DSEL: variants seen among roughly 807,000 people sequenced by gnomAD.
DSEL encodes dermatan sulfate epimerase like.
A neutral mutation model predicts 96.6 loss-of-function variants in DSEL; 61 were observed. The observed-to-expected ratio is 0.63, with a 90% confidence interval of 0.51 to 0.78. The LOEUF (loss-of-function observed/expected upper bound fraction) is 0.78. DSEL is among the 30% of genes least tolerant of loss of function. The probability of loss-of-function intolerance (pLI) is 0.00; values close to 1 mark genes in which losing one functional copy is unlikely to be tolerated. For synonymous variants in DSEL, 514 were observed against 502.0 expected, an observed-to-expected ratio of 1.02 and a Z score of -0.32; for missense variants, 1,320 against 1,430.8, an observed-to-expected ratio of 0.92 and a Z score of 1.25.
rs199657914 is a variant in DSEL, at chr18:67,512,269, C to G, written c.2340G>C (p.Leu780Phe). ...FKFNIAVGLI[L>F]CISLVILTFQ... ...AAGTTAAAATCACCAAGCTAATGCA[C>G]AAAATTAATCCAACTGCTATATTAA... The change falls in exon 2 of 2, where the codon TTG (leucine) becomes TTC (phenylalanine). Residue 780 changes from leucine to phenylalanine, a missense_variant. Around this residue, in one of 3 missense-constraint regions of DSEL, gnomAD observed 986 missense variants for 1,066.4 expected, o/e 0.92. Coordinates refer to ENST00000310045, the MANE Select transcript of DSEL (RefSeq NM_032160.3). 1 of 1,614,014 alleles carries G rather than the reference C, an allele frequency of 6.2e-7. No individual in the cohort carries two copies. Among genetic ancestry groups the G allele is most frequent in the East Asian group, 2.2e-5 (1 of 44,890 alleles).
At chr18:67,515,576 C>A in intron 1 of DSEL, 84 bp from the exon 2 acceptor site, 1 of 157,948 alleles carries the variant, frequency 6.3e-6, no homozygotes. Context: ...AAACATTCTG[C>A]AATCACTTAA....
chr18:67,513,285 C>T lies in DSEL; in HGVS notation c.1324G>A (p.Gly442Arg). 6.2e-7 allele frequency: 1 copy of T among 1,614,188 alleles called. No homozygotes were observed. The highest frequency in any genetic ancestry group is 8.5e-7 in the Non-Finnish European group (1 of 1,180,042). Reference sequence around the variant, plus strand: ...TGAACTATGTCATACACAGCTCGTCCCCCCAGCTTCCCAGATTTAAAAGAC... The same window carrying T: ...TGAACTATGTCATACACAGCTCGTCTCCCCAGCTTCCCAGATTTAAAAGAC... ...FVSFKSGKLG[G>R]RAVYDIVHFQ... Residue 442 changes from glycine (G) to arginine (R), a missense_variant, in exon 2 of 2, where the codon GGA becomes AGA. Gly to Arg is a moderately radical substitution (Grantham distance 125). Transcript: ENST00000310045.
chr18:67,514,472 T>C lies in DSEL; in HGVS notation c.137A>G (p.Lys46Arg). 1 of 1,614,156 alleles carries C rather than the reference T, an allele frequency of 6.2e-7. No individual in the cohort carries two copies. The highest frequency in any genetic ancestry group is 8.5e-7 in the Non-Finnish European group (1 of 1,180,028). ...TTGGTTGGGTCTGAAATCTTGCACT[T>C]TCTGTGTTTTAAACTGATCTATATC... Reference protein sequence around the residue: ...TDDIDQFKTQKVQDFRPNQKL... With the variant: ...TDDIDQFKTQRVQDFRPNQKL... The change falls in exon 2 of 2, where the codon AAA becomes AGA. Residue 46 changes from lysine to arginine, a missense_variant. Lys to Arg is a conservative substitution (Grantham distance 26). Around this residue, in one of 3 missense-constraint regions of DSEL, gnomAD observed 323 missense variants for 333.1 expected, o/e 0.97. Transcript: ENST00000310045.
In DSEL at chr18:67,514,401, C is replaced by T. The variant is rs769593953; in HGVS notation, c.208G>A (p.Gly70Arg). 17 of 1,614,040 alleles carry T rather than the reference C, an allele frequency of 1.1e-5. No homozygotes were observed. The highest frequency in any genetic ancestry group is 6.7e-5 in the Admixed American group (4 of 59,996). ...MLHPSLYFDA[G>R]EIQAMRQKSR... ...TTTTGTCTCATTGCTTGGATTTCTCCAGCATCAAAATATAAACTTGGATGA... is the reference window on the plus strand; with the variant it reads ...TTTTGTCTCATTGCTTGGATTTCTCTAGCATCAAAATATAAACTTGGATGA... Residue 70 changes from glycine to arginine, a missense_variant, in exon 2 of 2, where the codon GGA becomes AGA. Coordinates refer to ENST00000310045, the MANE Select transcript of DSEL (RefSeq NM_032160.3).
Position 67,514,573 on chromosome 18 carries a change from TAAG to T in DSEL, c.33_35del (p.Phe11del), listed in dbSNP as rs895878350. On this transcript the variant is annotated inframe_deletion, in exon 2 of 2. Coordinates refer to ENST00000310045, the MANE Select transcript of DSEL (RefSeq NM_032160.3). The stretch of plus-strand genomic sequence containing the variant: ...TAGAGAAAGCAAACATCAATAATGC[TAAG>T]AATAGTAAATGTCCTGTAAACATTA... 1 of 1,614,030 alleles carries T rather than the reference TAAG, an allele frequency of 6.2e-7. No homozygotes were observed. Among genetic ancestry groups the T allele is most frequent in the Non-Finnish European group, 8.5e-7 (1 of 1,180,016 alleles).
In DSEL at chr18:67,516,504, C is replaced by G. The variant is rs76609191; in HGVS notation, c.-1028G>C. The G allele has an allele frequency of 6.6e-6, 1 of 152,506 alleles. No individual in the cohort carries two copies. The highest frequency in any genetic ancestry group is 1.5e-5 in the Non-Finnish European group (1 of 68,324). 9.4% of individuals were successfully genotyped at this position (152,506 alleles called of 1,614,324 possible). A position where few individuals can be genotyped will look rare whatever the true frequency, so the allele number is the denominator to read the frequency against. Reference sequence around the variant, plus strand: ...CCCCGCGTCGTCTCCCGCGCTACGGCAGGCGCTGCCCCAGCTCGGTCTCCT... The same window carrying G: ...CCCCGCGTCGTCTCCCGCGCTACGGGAGGCGCTGCCCCAGCTCGGTCTCCT... On this transcript the variant is annotated 5_prime_UTR_variant, in exon 1 of 2. Transcript: ENST00000310045. The surrounding 1 kb of genome is among the most constrained non-coding windows in gnomAD (Gnocchi z 5.6).
At chr18:67,515,900 C>CTTT (rs10708052) in intron 1 of DSEL, among the ~76,000 whole-genome samples, 2 of 141,640 alleles carry the variant, frequency 1.4e-5, no homozygotes, top group African/African-American at 5.3e-5. Flanking sequence ...TTGAAAAGAT[C>CTTT]TTTTTTTTTT....
In DSEL at chr18:67,509,846, A is replaced by G. The variant is rs1307834068; in HGVS notation, c.*1124T>C. ...ACACTTTATGACGACTACATTTATA[A>G]TAAGATGCAGATGGTAAAGGAAACA... is the stretch of plus-strand genomic sequence containing the variant. On this transcript the variant is annotated 3_prime_UTR_variant, in exon 2 of 2. Transcript: ENST00000310045. The G allele has an allele frequency of 2.0e-5, 3 of 152,680 alleles. No homozygotes were observed. The highest frequency in any genetic ancestry group is 4.4e-5 in the Non-Finnish European group (3 of 68,042). The allele number at this position is 152,680 out of a possible 1,614,324, so 9.5% of individuals were successfully genotyped here. A position where few individuals can be genotyped will look rare whatever the true frequency, so the allele number is the denominator to read the frequency against.
rs2089411403 is a variant in DSEL, at chr18:67,506,594, T to C, written c.*4376A>G. On this transcript the variant is annotated 3_prime_UTR_variant, in exon 2 of 2. Transcript: ENST00000310045. ...ATCCCAATCATAGACAAGTTGCTTT[T>C]AGCTTTTTATTTTTGTATTAACAGG... 1 of 152,160 alleles carries C rather than the reference T, an allele frequency of 6.6e-6. No homozygotes were observed. The highest frequency in any genetic ancestry group is 2.1e-4 in the South Asian group (1 of 4,822). 9.4% of individuals were successfully genotyped at this position (152,160 alleles called of 1,614,324 possible).
At position 67,516,007 on chromosome 18, in the gene DSEL, G is replaced by A. The variant is rs952699080; in HGVS notation, c.-885+354C>T. 6.6e-6 allele frequency among the ~76,000 whole-genome samples: 1 copy of A among 151,788 alleles called. No individual in the cohort carries two copies. Among genetic ancestry groups the A allele is most frequent in the African/African-American group, 2.4e-5 (1 of 41,318 alleles). The stretch of plus-strand genomic sequence containing the variant: ...TCGGACCAGTCACTTTTCTCGGCGG[G>A]GTAACCGCGAATCGTGACCAGGCGC... On this transcript the variant is annotated intron_variant, in intron 1 of 1. Coordinates refer to ENST00000310045, the MANE Select transcript of DSEL (RefSeq NM_032160.3). This position sits in a 1 kb window ranked among gnomAD's most constrained non-coding sequence, Gnocchi z 5.6.
rs774990742 is a variant in DSEL, at chr18:67,511,147, T to A, written c.3462A>T (p.Leu1154Phe). Residue 1154 changes from leucine (L) to phenylalanine (F), a missense_variant, in exon 2 of 2, where the codon TTA (leucine) becomes TTT (phenylalanine). By Grantham distance (22) the Leu-to-Phe change is conservative. Coordinates refer to ENST00000310045, the MANE Select transcript of DSEL (RefSeq NM_032160.3). The part of the protein sequence containing the change: ...FLGIPLSPAS[L>F]NQILFATSTN... ...TAGAGGTGGCAAACAATATTTGGTT[T>A]AAACTAGCAGGAGACAAAGGAATTC... The A allele has an allele frequency of 6.2e-7, 1 of 1,614,182 alleles. No homozygotes were observed. The highest frequency in any genetic ancestry group is 1.7e-5 in the Admixed American group (1 of 60,024).
rs371675326 is a variant in DSEL at position 67,510,777 on chromosome 18, G to A, written c.*193C>T. On this transcript the variant is annotated 3_prime_UTR_variant, in exon 2 of 2. Coordinates refer to ENST00000310045, the MANE Select transcript of DSEL (RefSeq NM_032160.3). Reference sequence around the variant, plus strand: ...CAGAAACAAAGGCAAGGGAGGTGATGACATAAAAATAAATCCTGCTAGGCC... The same window carrying A: ...CAGAAACAAAGGCAAGGGAGGTGATAACATAAAAATAAATCCTGCTAGGCC... 7 of 487,538 alleles carry A rather than the reference G, an allele frequency of 1.4e-5. No individual in the cohort carries two copies. The highest frequency in any genetic ancestry group is 9.7e-5 in the East Asian group (3 of 30,984). The allele number at this position is 487,538 out of a possible 1,614,324, so 30.2% of individuals were successfully genotyped here. A position where few individuals can be genotyped will look rare whatever the true frequency, so the allele number is the denominator to read the frequency against.
Position 67,511,951 on chromosome 18 carries a change from G to A in DSEL, c.2658C>T (p.Ala886=). The change falls in exon 2 of 2, where the codon GCC becomes GCT. Residue 886 remains alanine, a synonymous_variant. Transcript: ENST00000310045. ...ACTCAGTTTCAGGAATATCAATGTA[G>A]GCTGTAGGAACCCTGATGTAGAGAA... ...SDFLYIRVPT[A]YIDIPETELE... The A allele has an allele frequency of 6.2e-7, 1 of 1,614,110 alleles. No homozygotes were observed. The highest frequency in any genetic ancestry group is 8.5e-7 in the Non-Finnish European group (1 of 1,180,028).
chr18:67,512,962 C>G lies in DSEL; in HGVS notation c.1647G>C (p.Met549Ile). 6.2e-7 allele frequency: 1 copy of G among 1,614,110 alleles called. No individual in the cohort carries two copies. Among genetic ancestry groups the G allele is most frequent in the South Asian group, 1.1e-5 (1 of 91,080 alleles). Residue 549 changes from methionine to isoleucine, a missense_variant, in exon 2 of 2, where the codon ATG (methionine) becomes ATC (isoleucine). By Grantham distance (10) the Met-to-Ile change is conservative. Around this residue, in one of 3 missense-constraint regions of DSEL, gnomAD observed 986 missense variants for 1,066.4 expected, o/e 0.92. Transcript: ENST00000310045. ...ACACGGCTTCCCCACTCACAAATACCATTTCCCCATGTTGAGAGGCAGTGA... is the reference window on the plus strand; with the variant it reads ...ACACGGCTTCCCCACTCACAAATACGATTTCCCCATGTTGAGAGGCAGTGA... ...EIITASQHGE[M>I]VFVSGEAVSA... is the part of the protein sequence containing the mutation.
rs1426747970 is a variant in DSEL, at chr18:67,513,491, G to A, written c.1118C>T (p.Pro373Leu). ...QIRKHRPKDG[P>L]MVPSTAQRWS... ...CCTTTGGGCAGTTGAAGGAACCATC[G>A]GTCCATCTTTAGGTCGGTGCTTTCT... Residue 373 changes from proline (P) to leucine (L), a missense_variant, in exon 2 of 2, where the codon CCG becomes CTG. Pro to Leu is a moderately conservative substitution (Grantham distance 98). Around this residue, in one of 3 missense-constraint regions of DSEL, gnomAD observed 986 missense variants for 1,066.4 expected, o/e 0.92. Coordinates refer to ENST00000310045, the MANE Select transcript of DSEL (RefSeq NM_032160.3). 1.9e-6 allele frequency: 3 copies of A among 1,614,110 alleles called. No homozygotes were observed. Among genetic ancestry groups the A allele is most frequent in the Admixed American group, 1.7e-5 (1 of 60,010 alleles).
chr18:67,507,817 T>C lies in DSEL; in HGVS notation c.*3153A>G, dbSNP rs2089418903. On this transcript the variant is annotated 3_prime_UTR_variant, in exon 2 of 2. Coordinates refer to ENST00000310045, the MANE Select transcript of DSEL (RefSeq NM_032160.3). ...TTGTTGTGTCATCACTTTGTTAAAA[T>C]TTAAATTTTAAATTAAATTCTACAA... 1 of 152,204 alleles carries C rather than the reference T, an allele frequency of 6.6e-6. No individual in the cohort carries two copies. The allele number at this position is 152,204 out of a possible 1,614,324, so 9.4% of individuals were successfully genotyped here. A position where few individuals can be genotyped will look rare whatever the true frequency, so the allele number is the denominator to read the frequency against.
rs1456428743 is a variant in DSEL at position 67,515,263 on chromosome 18, C to T, written c.-655G>A. The T allele has an allele frequency of 6.0e-6, 1 of 166,970 alleles. No homozygotes were observed. 10.3% of individuals were successfully genotyped at this position (166,970 alleles called of 1,614,324 possible). A position where few individuals can be genotyped will look rare whatever the true frequency, so the allele number is the denominator to read the frequency against. ...GTTTTTAAAAATTCAAAATTCTTGC[C>T]TTCATTTCAAATATTTTTCAGGCTT... On this transcript the variant is annotated 5_prime_UTR_variant, in exon 2 of 2. Transcript: ENST00000310045.
In DSEL at chr18:67,511,515, C is replaced by T. The variant is rs1208419990; in HGVS notation, c.3094G>A (p.Asp1032Asn). 6.2e-7 allele frequency: 1 copy of T among 1,613,702 alleles called. No individual in the cohort carries two copies. Among genetic ancestry groups the T allele is most frequent in the Non-Finnish European group, 8.5e-7 (1 of 1,180,024 alleles). ...ATTGAATAAATCCATGCCCGAGGGT[C>T]TCTTACTATGTACAATGCCCTCATC... is the stretch of plus-strand genomic sequence containing the variant. ...ASMRALYIVR[D>N]PRAWIYSMLY... Residue 1032 changes from aspartate to asparagine, a missense_variant, in exon 2 of 2, where the codon GAC (aspartate) becomes AAC (asparagine). Physicochemically the swap from Asp to Asn is conservative, Grantham distance 23. Coordinates refer to ENST00000310045, the MANE Select transcript of DSEL (RefSeq NM_032160.3).
rs750779063 is a variant in DSEL at position 67,511,060 on chromosome 18, T to C, written c.3549A>G (p.Lys1183=). ...EISPTNTNVW[K]QNLPRDEIKL... ...TAATTTCATCTCTAGGCAAGTTCTG[T>C]TTCCAAACATTAGTATTAGTTGGTG... The change falls in exon 2 of 2, where the codon AAA becomes AAG. Residue 1183 remains lysine, a synonymous_variant. Transcript: ENST00000310045. 5.6e-6 allele frequency: 9 copies of C among 1,613,798 alleles called. No homozygotes were observed. In the South Asian group the frequency reaches 8.8e-5, roughly 16 times the overall value.
Sources: gnomAD v4.1 joint callset for allele counts (sites outside exome capture counted in the v4.1 genomes callset) on GRCh38, gnomAD v4.1.1 for gene constraint, gnomAD v4.1.1 regional missense constraint, Gnocchi (gnomAD v3.1) non-coding constraint, MANE v1.5 for transcripts, NCBI Gene and HGNC (gene_info 2026-07-23, HGNC 2026-07-21) for gene names.